PKNOX2: variants seen among roughly 807,000 people sequenced by gnomAD.
PKNOX2 encodes PBX/knotted 1 homeobox 2.
Under a neutral mutation model 53.1 loss-of-function variants are expected in PKNOX2, and 14 were observed. That is an observed-to-expected ratio of 0.26 (90% confidence interval 0.17 to 0.41). The LOEUF (loss-of-function observed/expected upper bound fraction) is 0.41, where lower values mean the gene tolerates loss of function less well. PKNOX2 is among the 10% of genes least tolerant of loss of function. PKNOX2 has a pLI of 1.00. For synonymous variants in PKNOX2, 257 were observed against 242.8 expected (o/e 1.06, Z -0.54); for missense variants, 496 against 602.8 (o/e 0.82, Z 1.85).
At chr11:125,243,972 G>T (rs2135622510) in intron 2 of PKNOX2, among the ~76,000 whole-genome samples, 1 of 152,306 alleles carries the variant, frequency 6.6e-6, no homozygotes, top group Middle Eastern at 3.4e-3. Context: ...GCACTGCCAG[G>T]GGAGGTACTG....
At position 125,383,798 on chromosome 11, in the gene PKNOX2, T is replaced by C. The variant is rs569782155; in HGVS notation, c.228-1753T>C. On this transcript the variant is annotated intron_variant, in intron 5 of 12. Transcript: ENST00000298282. ...GGCTGCCATATGGGGCAGTGGAGAT[T>C]GCAGAACATTCCCACCATTGCAGAA... is the stretch of plus-strand genomic sequence containing the variant. Among the ~76,000 whole-genome samples the C allele has an allele frequency of 6.6e-5, 10 of 152,258 alleles. No individual in the cohort carries two copies. The East Asian group carries it at 1.5e-3, about 24-fold the overall frequency.
chr11:125,272,704 G>A (rs528697427), intron 2 of PKNOX2, among the ~76,000 whole-genome samples: 1 of 152,286 alleles, frequency 6.6e-6, no homozygotes, highest in South Asian at 2.1e-4. Context: ...CCTCCAAGAG[G>A]AACAGCCGCC....
At position 125,165,852 on chromosome 11, in the gene PKNOX2, C is replaced by T. The variant is rs1954829817; in HGVS notation, c.-201+1076C>T. Among the ~76,000 whole-genome samples, 1 of 152,124 alleles carries T rather than the reference C, an allele frequency of 6.6e-6. No individual in the cohort carries two copies. Among genetic ancestry groups the T allele is most frequent in the African/African-American group, 2.4e-5 (1 of 41,424 alleles). On this transcript the variant is annotated intron_variant, in intron 1 of 12. Coordinates refer to ENST00000298282, the MANE Select transcript of PKNOX2 (RefSeq NM_001382323.2). This position sits in a 1 kb window ranked among gnomAD's most constrained non-coding sequence, Gnocchi z 4.5. The stretch of plus-strand genomic sequence containing the variant: ...AGCTGAGGGGGATGGCGCAGGATCC[C>T]GAATCTGCCGCTCAAAGTTTGCATT...
At chr11:125,400,011 A>G (rs1028694224) in intron 7 of PKNOX2, among the ~76,000 whole-genome samples, 10 of 152,234 alleles carry the variant, frequency 6.6e-5, no homozygotes, top group Admixed American at 6.5e-4. Context: ...CCCGGCACTC[A>G]GCCTTCTGAG....
chr11:125,431,038 G>A, intron 12 of PKNOX2, 128 bp from the exon 13 acceptor site: 1 of 1,452,330 alleles, frequency 6.9e-7, no homozygotes, highest in Middle Eastern at 1.8e-4. Flanking sequence ...TCCAGCTCAG[G>A]CTTGGACAGC....
intron 1 of PKNOX2, among the ~76,000 whole-genome samples, chr11:125,167,631 G>A (rs1954993680): frequency 6.6e-6 from 1 of 152,242 alleles, no homozygotes; most frequent in Non-Finnish European, 1.5e-5. Context: ...GAATTGCACT[G>A]AAGTATACCC....
chr11:125,424,703 G>A (rs1956325720), intron 10 of PKNOX2, among the ~76,000 whole-genome samples: 1 of 152,204 alleles, frequency 6.6e-6, no homozygotes, highest in African/African-American at 2.4e-5. Flanking sequence ...CCCATCTGCT[G>A]TGTCCCTTGG....
At chr11:125,264,941 C>T (rs1326457239) in intron 2 of PKNOX2, among the ~76,000 whole-genome samples, 1 of 152,068 alleles carries the variant, frequency 6.6e-6, no homozygotes, top group Admixed American at 6.5e-5. Flanking sequence ...AAAGAAAGTT[C>T]CAAAGCTAAG....
At position 125,431,374 on chromosome 11, in the gene PKNOX2, C is replaced by T. The variant is rs1419757734; in HGVS notation, c.1401C>T (p.His467=). The part of the protein sequence containing the change: ...TTNVSDLGLE[H]SDSLE Reference sequence around the variant, plus strand: ...ATGTCAGCGACCTGGGCTTGGAACACAGTGACTCCCTGGAGTAGTCGGGCA... The same window carrying T: ...ATGTCAGCGACCTGGGCTTGGAACATAGTGACTCCCTGGAGTAGTCGGGCA... The change falls in exon 13 of 13, where the codon CAC becomes CAT. Residue 467 remains histidine, a synonymous_variant. Coordinates refer to ENST00000298282, the MANE Select transcript of PKNOX2 (RefSeq NM_001382323.2). The T allele has an allele frequency of 5.6e-6, 9 of 1,603,726 alleles. No individual in the cohort carries two copies. The highest frequency in any genetic ancestry group is 1.7e-5 in the Admixed American group (1 of 59,226).
At chr11:125,219,590 T>G (rs1795014792) in intron 1 of PKNOX2, among the ~76,000 whole-genome samples, 2 of 152,028 alleles carry the variant, frequency 1.3e-5, no homozygotes, top group Admixed American at 1.3e-4. Context: ...GAAAAAATAA[T>G]GGGCAAAGAA....
intron 2 of PKNOX2, among the ~76,000 whole-genome samples, chr11:125,250,842 A>G (rs1001328708): frequency 1.3e-5 from 2 of 152,212 alleles, no homozygotes; most frequent in African/African-American, 4.8e-5. Flanking sequence ...AGGCTCAGAA[A>G]GCTGAGGCCT....
Position 125,386,677 on chromosome 11 carries a change from A to G in PKNOX2, c.399+955A>G, listed in dbSNP as rs185266469. Among the ~76,000 whole-genome samples, 3 of 151,678 alleles carry G rather than the reference A, an allele frequency of 2.0e-5. No homozygotes were observed. In the East Asian group the frequency reaches 5.8e-4, roughly 30 times the overall value. ...CTACTTCCAAAAGGGAAACAGAATT[A>G]GAAAAGAAAATGTGGTTCCAGAAAG... is the stretch of plus-strand genomic sequence containing the variant. On this transcript the variant is annotated intron_variant, in intron 6 of 12. Coordinates refer to ENST00000298282, the MANE Select transcript of PKNOX2 (RefSeq NM_001382323.2).
intron 8 of PKNOX2, 29 bp downstream of exon 8, chr11:125,410,354 G>A: frequency 6.2e-7 from 1 of 1,612,836 alleles, no homozygotes. Flanking sequence ...AAGGGTGATT[G>A]TGGGAATTCC....
intron 5 of PKNOX2, among the ~76,000 whole-genome samples, chr11:125,384,460 C>T (rs892051355): frequency 2.0e-5 from 3 of 152,042 alleles, no homozygotes; most frequent in African/African-American, 4.8e-5. Flanking sequence ...CTGAGACGGG[C>T]GGATCACGAG....
chr11:125,261,785 A>G lies in PKNOX2; in HGVS notation c.-130+26670A>G, dbSNP rs572036842. 2.4e-3 allele frequency among the ~76,000 whole-genome samples: 369 copies of G among 152,378 alleles called. 1 individual carries two copies. The highest frequency in any genetic ancestry group is 9.5e-3 in the South Asian group (46 of 4,832). ...CCAATGCCGCTCTTTCCGATCTGCA[A>G]ACACAATAGAATTAACTGGCCCGAG... On this transcript the variant is annotated intron_variant, in intron 2 of 12. Coordinates refer to ENST00000298282, the MANE Select transcript of PKNOX2 (RefSeq NM_001382323.2).
rs372201456 is a variant in PKNOX2 at position 125,431,357 on chromosome 11, G to C, written c.1384G>C (p.Asp462His). 8.1e-6 allele frequency: 13 copies of C among 1,612,740 alleles called. No homozygotes were observed. The highest frequency in any genetic ancestry group is 1.1e-5 in the South Asian group (1 of 91,006). Residue 462 changes from aspartate (D) to histidine (H), a missense_variant, in exon 13 of 13, where the codon GAC becomes CAC. This residue lies in a region of PKNOX2 where 139 missense variants were observed against 161.3 expected (regional missense o/e 0.86). Transcript: ENST00000298282. ...VDELQTTNVS[D>H]LGLEHSDSLE Reference sequence around the variant, plus strand: ...CGAGCTGCAGACGACAAATGTCAGCGACCTGGGCTTGGAACACAGTGACTC... The same window carrying C: ...CGAGCTGCAGACGACAAATGTCAGCCACCTGGGCTTGGAACACAGTGACTC...
intron 5 of PKNOX2, among the ~76,000 whole-genome samples, chr11:125,368,954 C>T (rs547240422): frequency 6.6e-6 from 1 of 152,318 alleles, no homozygotes; most frequent in African/African-American, 2.4e-5. Context: ...GCAAGTGTGG[C>T]TCGCCTCTGG....
intron 1 of PKNOX2, among the ~76,000 whole-genome samples, chr11:125,175,000 G>A (rs1955600054): frequency 6.6e-6 from 1 of 152,154 alleles, no homozygotes; most frequent in African/African-American, 2.4e-5. Flanking sequence ...CTTCCCTGAA[G>A]CCTGTTTCCA....
intron 2 of PKNOX2, among the ~76,000 whole-genome samples, chr11:125,308,584 C>T (rs1948607094): frequency 6.6e-6 from 1 of 152,224 alleles, no homozygotes; most frequent in Non-Finnish European, 1.5e-5. Context: ...AATGTGTTCA[C>T]AGGACTCGGG....
Sources: allele counts gnomAD v4.1 joint callset (sites outside exome capture counted in the v4.1 genomes callset), GRCh38; gene constraint gnomAD v4.1.1; regional missense constraint gnomAD v4.1.1; non-coding constraint Gnocchi (gnomAD v3.1); transcripts MANE v1.5; gene names NCBI Gene and HGNC (gene_info 2026-07-23, HGNC 2026-07-21).